Variants in IL12RB2 observed in about 807,000 individuals in gnomAD.
IL12RB2 encodes interleukin-12 receptor subunit beta-2.
A neutral mutation model predicts 89.4 loss-of-function variants in IL12RB2; 82 were observed. The observed-to-expected ratio is 0.92, with a 90% confidence interval of 0.77 to 1.10. The LOEUF is 1.10. Ranked by LOEUF, IL12RB2 falls within the 50% of genes least tolerant of loss-of-function variation. The pLI is 0.00. For missense variants in IL12RB2, 963 were observed against 1,031.9 expected, an observed-to-expected ratio of 0.93 and a Z score of 0.92; for synonymous variants, 368 against 370.1, an observed-to-expected ratio of 0.99 and a Z score of 0.07.
chr1:67,397,244 T>C lies in IL12RB2; in HGVS notation c.*1155T>C, dbSNP rs949907078. On this transcript the variant is annotated 3_prime_UTR_variant, in exon 17 of 17. Coordinates refer to ENST00000674203, the MANE Select transcript of IL12RB2 (RefSeq NM_001374259.2). ...GGCAGCTGGATGGTGAAGACCTATATTGTAAACTCACCATAGTACCATAGT... is the reference window on the plus strand; with the variant it reads ...GGCAGCTGGATGGTGAAGACCTATACTGTAAACTCACCATAGTACCATAGT... 1.3e-5 allele frequency among the ~76,000 whole-genome samples: 2 copies of C among 152,196 alleles called. No individual in the cohort carries two copies. The highest frequency in any genetic ancestry group is 4.8e-5 in the African/African-American group (2 of 41,456).
intron 13 of IL12RB2, among the ~76,000 whole-genome samples, chr1:67,374,662 G>A (rs748670408): frequency 6.6e-6 from 1 of 151,806 alleles, no homozygotes; most frequent in Non-Finnish European, 1.5e-5. Flanking sequence ...TTTTAGTAGA[G>A]GAGGGGTTTC....
rs746086306 is a variant in IL12RB2 at position 67,326,761 on chromosome 1, T to C, written c.391T>C (p.Ser131Pro). 6.2e-7 allele frequency: 1 copy of C among 1,613,514 alleles called. No homozygotes were observed. The highest frequency in any genetic ancestry group is 1.7e-5 in the Admixed American group (1 of 59,980). The change falls in exon 5 of 17, where the codon TCC becomes CCC. Residue 131 changes from serine (S) to proline (P), a missense_variant. Ser to Pro is a moderately conservative substitution (Grantham distance 74). Coordinates refer to ENST00000674203, the MANE Select transcript of IL12RB2 (RefSeq NM_001374259.2). ...GVAPEQPQNL[S>P]CIQKGEQGTV... ...TGCTCCAGAACAGCCTCAAAATTTA[T>C]CCTGCATACAGAAGGGAGAACAGGG...
At chr1:67,385,595 T>G (rs1199109816) in intron 14 of IL12RB2, among the ~76,000 whole-genome samples, 1 of 152,244 alleles carries the variant, frequency 6.6e-6, no homozygotes, top group East Asian at 1.9e-4. Flanking sequence ...CTATTTATCT[T>G]TGTATCCCAG....
chr1:67,381,793 A>C (rs1217600486), intron 14 of IL12RB2, among the ~76,000 whole-genome samples: 3 of 149,880 alleles, frequency 2.0e-5, no homozygotes, highest in African/African-American at 7.4e-5. Context: ...AAAGAAAGAA[A>C]GTTAACTTGC....
Position 67,380,030 on chromosome 1 carries a change from C to G in IL12RB2, c.1762C>G (p.Leu588Val). The change falls in exon 14 of 17, where the codon CTG (leucine) becomes GTG (valine). Residue 588 changes from leucine (L) to valine (V), a missense_variant. Coordinates refer to ENST00000674203, the MANE Select transcript of IL12RB2 (RefSeq NM_001374259.2). ...VSQNSHPINS[L>V]QPRVTYVLWM... Reference sequence around the variant, plus strand: ...CCAAAATTCACATCCAATAAACAGCCTGCAGCCCCGAGTGACATATGTCCT... The same window carrying G: ...CCAAAATTCACATCCAATAAACAGCGTGCAGCCCCGAGTGACATATGTCCT... 6.2e-7 allele frequency: 1 copy of G among 1,612,554 alleles called. No homozygotes were observed.
chr1:67,364,898 A>G (rs1662508861), intron 10 of IL12RB2, among the ~76,000 whole-genome samples: 1 of 152,216 alleles, frequency 6.6e-6, no homozygotes, highest in African/African-American at 2.4e-5. Flanking sequence ...AAGATACACC[A>G]TATTCTGGGT....
At chr1:67,360,694 G>T (rs1661942615) in intron 10 of IL12RB2, among the ~76,000 whole-genome samples, 2 of 151,718 alleles carry the variant, frequency 1.3e-5, no homozygotes, top group Non-Finnish European at 2.9e-5. Flanking sequence ...TACTTGGGAG[G>T]CTAAGGCAGG....
chr1:67,319,128 T>A (rs1411088470), intron 2 of IL12RB2, among the ~76,000 whole-genome samples: 1 of 152,208 alleles, frequency 6.6e-6, no homozygotes, highest in African/African-American at 2.4e-5. Flanking sequence ...ATTGAATGAA[T>A]AAGTGAAATT....
chr1:67,314,184 A>G (rs998048944), intron 2 of IL12RB2, among the ~76,000 whole-genome samples, 184 bp downstream of exon 2: 6 of 152,206 alleles, frequency 3.9e-5, no homozygotes, highest in Non-Finnish European at 5.9e-5. Flanking sequence ...AGCAGGGCAC[A>G]GTAGTTACTA....
At chr1:67,373,923 C>T (rs914792800) in intron 13 of IL12RB2, among the ~76,000 whole-genome samples, 7 of 152,156 alleles carry the variant, frequency 4.6e-5, no homozygotes, top group South Asian at 2.1e-4. Flanking sequence ...TTAAGAGGTC[C>T]GCAGTGTGAC....
At chr1:67,380,997 G>C (rs1002970482) in intron 14 of IL12RB2, among the ~76,000 whole-genome samples, 1 of 152,148 alleles carries the variant, frequency 6.6e-6, no homozygotes. Flanking sequence ...ATACAAATTT[G>C]AGGATCACCC....
intron 4 of IL12RB2, among the ~76,000 whole-genome samples, chr1:67,322,358 C>T (rs1656658093): frequency 6.7e-6 from 1 of 150,008 alleles, no homozygotes. Context: ...CACTGGTTCT[C>T]ATACTTAACA....
intron 14 of IL12RB2, 113 bp downstream of exon 14, chr1:67,380,236 T>C: frequency 1.8e-6 from 2 of 1,115,188 alleles, no homozygotes; most frequent in South Asian, 1.3e-5. Flanking sequence ...CTAAAAACTT[T>C]CTTGCTGTCA....
In IL12RB2 at chr1:67,349,909, A is replaced by T. The variant is rs186441178; in HGVS notation, c.1039-961A>T. On this transcript the variant is annotated intron_variant, in intron 9 of 16. Transcript: ENST00000674203. ...AAAATTATAAGTGAACCAGATGTTC[A>T]TGTTAGCCCAGCCTTTCCTGACAGA... Among the ~76,000 whole-genome samples the T allele has an allele frequency of 2.5e-3, 387 of 152,370 alleles. 2 individuals are homozygous for T. The highest frequency in any genetic ancestry group is 8.8e-3 in the African/African-American group (368 of 41,592).
At chr1:67,331,366 A>G (rs1309184808) in intron 8 of IL12RB2, among the ~76,000 whole-genome samples, 1 of 152,222 alleles carries the variant, frequency 6.6e-6, no homozygotes, top group Non-Finnish European at 1.5e-5. Flanking sequence ...ATAACTATGA[A>G]AAGGATATCA....
intron 10 of IL12RB2, among the ~76,000 whole-genome samples, chr1:67,364,875 T>C (rs1329517385): frequency 6.6e-6 from 1 of 152,218 alleles, no homozygotes; most frequent in African/African-American, 2.4e-5. Flanking sequence ...CATGCTCATA[T>C]GGAACATTCA....
rs557016119 is a variant in IL12RB2, at chr1:67,377,244, A to G, written c.1718-2742A>G. Among the ~76,000 whole-genome samples, 20 of 152,302 alleles carry G rather than the reference A, an allele frequency of 1.3e-4. No homozygotes were observed. In the South Asian group the frequency reaches 3.9e-3, roughly 30 times the overall value. The stretch of plus-strand genomic sequence containing the variant: ...CTTTTGTATTGTCAGTGCCTTGTCC[A>G]GTGTAGGCACTCATATTTATGACTG... On this transcript the variant is annotated intron_variant, in intron 13 of 16. Transcript: ENST00000674203.
rs372136510 is a variant in IL12RB2 at position 67,380,063 on chromosome 1, A to G, written c.1795A>G (p.Thr599Ala). The change falls in exon 14 of 17, where the codon ACA (threonine) becomes GCA (alanine). Residue 599 changes from threonine to alanine, a missense_variant. Coordinates refer to ENST00000674203, the MANE Select transcript of IL12RB2 (RefSeq NM_001374259.2). ...QPRVTYVLWM[T>A]ALTAAGESSH... ...CCGAGTGACATATGTCCTGTGGATG[A>G]CAGCTCTGACAGCTGCTGGTGAAAG... 132 of 1,613,888 alleles carry G rather than the reference A, an allele frequency of 8.2e-5. No homozygotes were observed. The Middle Eastern group carries it at 1.2e-3, about 14-fold the overall frequency.
intron 9 of IL12RB2, among the ~76,000 whole-genome samples, chr1:67,340,368 T>A (rs1659392199): frequency 6.6e-6 from 1 of 152,270 alleles, no homozygotes; most frequent in African/African-American, 2.4e-5. Flanking sequence ...TATTTCCTTT[T>A]CACGAGCAAG....
Sources: gnomAD v4.1 joint callset for allele counts (sites outside exome capture counted in the v4.1 genomes callset) on GRCh38, gnomAD v4.1.1 for gene constraint, MANE v1.5 for transcripts, NCBI Gene and HGNC (gene_info 2026-07-23, HGNC 2026-07-21) for gene names.